CTNNA2: variants seen among roughly 807,000 people sequenced by gnomAD.
CTNNA2 encodes the protein catenin alpha-2.
A neutral mutation model predicts 101.0 loss-of-function variants in CTNNA2; 42 were observed. The observed-to-expected ratio is 0.42, with a 90% CI of 0.32 to 0.54. The LOEUF is 0.54. Among genes scored for constraint, CTNNA2 ranks in the 20% least tolerant of loss-of-function variants. The pLI, the probability that CTNNA2 is intolerant of heterozygous loss-of-function variation, is 0.14. For missense variants in CTNNA2, 871 were observed against 1,223.1 expected (o/e 0.71, Z 4.29); for synonymous variants, 450 against 456.4 (o/e 0.99, Z 0.18).
chr2:80,301,697 T>C (rs1676325408), intron 7 of CTNNA2, among the ~76,000 whole-genome samples: 1 of 152,166 alleles, frequency 6.6e-6, no homozygotes, highest in South Asian at 2.1e-4. Context: ...TTAACATAAA[T>C]CATTAATCTG....
chr2:80,227,468 C>G (rs187598859), intron 7 of CTNNA2, among the ~76,000 whole-genome samples: 11 of 152,158 alleles, frequency 7.2e-5, no homozygotes, highest in Non-Finnish European at 1.6e-4. Context: ...CGTTACAATC[C>G]ACGCCCAGCC....
At chr2:79,914,145 C>T (rs62141607) in intron 7 of CTNNA2, among the ~76,000 whole-genome samples, 18 of 123,410 alleles carry the variant, frequency 1.5e-4, no homozygotes, top group Non-Finnish European at 1.9e-4. Flanking sequence ...CCAGCCTGGG[C>T]GACAGAGCGA....
intron 3 of CTNNA2, among the ~76,000 whole-genome samples, chr2:79,759,325 G>A (rs901770089): frequency 1.3e-5 from 2 of 152,076 alleles, no homozygotes; most frequent in African/African-American, 4.8e-5. Context: ...CCTGGGAGGC[G>A]GAGGTTGCAG....
chr2:79,991,183 T>G lies in CTNNA2; in HGVS notation c.1056+81386T>G, dbSNP rs151144689. Among the ~76,000 whole-genome samples the G allele has an allele frequency of 7.2e-3, 1,096 of 152,270 alleles. 9 individuals are homozygous for G. The highest frequency in any genetic ancestry group is 0.025 in the African/African-American group (1,021 of 41,548). Reference sequence around the variant, plus strand: ...TCTCTCTTTTCTTCTTTATTAGTCTTGCTAGCGGTCTATAAATTTTGCTGA... The same window carrying G: ...TCTCTCTTTTCTTCTTTATTAGTCTGGCTAGCGGTCTATAAATTTTGCTGA... On this transcript the variant is annotated intron_variant, in intron 7 of 18. Transcript: ENST00000402739.
At chr2:80,147,350 C>T (rs1314384196) in intron 7 of CTNNA2, among the ~76,000 whole-genome samples, 3 of 152,158 alleles carry the variant, frequency 2.0e-5, no homozygotes, top group African/African-American at 7.2e-5. Context: ...GATCCACCAA[C>T]TCGGCCTCCC....
Position 79,961,666 on chromosome 2 carries a change from C to CA in CTNNA2, c.1056+51875dup, listed in dbSNP as rs547487993. On this transcript the variant is annotated intron_variant, in intron 7 of 18. Transcript: ENST00000402739. ...TGAAACCCCGTCTCTACTAAAAATA[C>CA]AAAAAATTAGCCGGGCGTGGTGGCG... Among the ~76,000 whole-genome samples, 71 of 151,348 alleles carry CA rather than the reference C, an allele frequency of 4.7e-4. 3 individuals are homozygous for CA. The East Asian group carries it at 9.2e-3, about 20-fold the overall frequency.
chr2:79,718,459 T>A (rs1270562242), intron 2 of CTNNA2, among the ~76,000 whole-genome samples: 1 of 152,316 alleles, frequency 6.6e-6, no homozygotes, highest in Admixed American at 6.5e-5. Context: ...ATAAAAATGA[T>A]CTGCTCCCCA....
At chr2:79,880,183 G>C (rs906606672) in intron 6 of CTNNA2, among the ~76,000 whole-genome samples, 4 of 152,178 alleles carry the variant, frequency 2.6e-5, no homozygotes, top group Non-Finnish European at 4.4e-5. Context: ...TGGTCATGGA[G>C]GGTAAGTTTT....
intron 3 of CTNNA2, among the ~76,000 whole-genome samples, chr2:79,846,057 T>C (rs1157188255): frequency 6.6e-6 from 1 of 152,190 alleles, no homozygotes; most frequent in Admixed American, 6.5e-5. Context: ...TTCTAGTCTT[T>C]TCACCCACAA....
chr2:80,518,738 A>T (rs1689294339), intron 9 of CTNNA2, among the ~76,000 whole-genome samples: 1 of 152,168 alleles, frequency 6.6e-6, no homozygotes, highest in Non-Finnish European at 1.5e-5. Context: ...GTAAATGTGA[A>T]TTAGTTTTAG....
At chr2:79,552,150 C>G (rs1376071164) in intron 1 of CTNNA2, among the ~76,000 whole-genome samples, 7 of 152,116 alleles carry the variant, frequency 4.6e-5, no homozygotes, top group Non-Finnish European at 1.5e-5. Context: ...TAGTTACTTC[C>G]AAGATACAAT....
intron 7 of CTNNA2, among the ~76,000 whole-genome samples, chr2:79,965,191 C>A (rs1417124058): frequency 6.6e-6 from 1 of 152,130 alleles, no homozygotes; most frequent in South Asian, 2.1e-4. Context: ...CGTGGGAGGG[C>A]ACCCGCTAAA....
intron 1 of CTNNA2, among the ~76,000 whole-genome samples, chr2:79,615,383 A>T (rs1222647469): frequency 2.0e-5 from 3 of 152,198 alleles, no homozygotes; most frequent in Non-Finnish European, 4.4e-5. Flanking sequence ...TGACTAAAAA[A>T]GTTAGCCTTT....
At chr2:80,378,412 G>A (rs1269240939) in intron 7 of CTNNA2, among the ~76,000 whole-genome samples, 1 of 148,872 alleles carries the variant, frequency 6.7e-6, no homozygotes, top group Non-Finnish European at 1.5e-5. Flanking sequence ...ATAAATAACA[G>A]AGAAGACATA....
At chr2:80,517,508 C>T (rs1689195180) in intron 9 of CTNNA2, among the ~76,000 whole-genome samples, 1 of 152,174 alleles carries the variant, frequency 6.6e-6, no homozygotes, top group South Asian at 2.1e-4. Context: ...AGTCCTTGAC[C>T]TTATCTGTAG....
chr2:79,795,416 T>G (rs916793280), intron 3 of CTNNA2, among the ~76,000 whole-genome samples: 1 of 152,050 alleles, frequency 6.6e-6, no homozygotes, highest in Non-Finnish European at 1.5e-5. Context: ...TTCAAAATAT[T>G]TTTATGTATG....
intron 2 of CTNNA2, among the ~76,000 whole-genome samples, chr2:79,286,495 T>C (rs1429032777): frequency 6.6e-6 from 1 of 151,330 alleles, no homozygotes; most frequent in Non-Finnish European, 1.5e-5. Flanking sequence ...AAGTATTTTA[T>C]TTCTCCTTCA....
At chr2:80,133,221 C>A (rs1702506535) in intron 7 of CTNNA2, among the ~76,000 whole-genome samples, 1 of 152,116 alleles carries the variant, frequency 6.6e-6, no homozygotes. Context: ...AGCCAAGGAA[C>A]AACTGGGGCT....
At chr2:80,316,199 G>C (rs2149237977) in intron 7 of CTNNA2, among the ~76,000 whole-genome samples, 1 of 152,208 alleles carries the variant, frequency 6.6e-6, no homozygotes, top group East Asian at 1.9e-4. Context: ...TGAATAGCTA[G>C]AGAGAGAGGA....
Sources: allele counts gnomAD v4.1 joint callset (sites outside exome capture counted in the v4.1 genomes callset), GRCh38; gene constraint gnomAD v4.1.1; transcripts MANE v1.5; gene names NCBI Gene and HGNC (gene_info 2026-07-23, HGNC 2026-07-21).